The following VKORC1L1 variants were observed in gnomAD, a reference collection of about 807,000 sequenced individuals.
VKORC1L1 encodes vitamin K epoxide reductase complex subunit 1-like protein 1.
In VKORC1L1, 2 loss-of-function variants were observed where a neutral mutation model predicts 18.9. The ratio of observed to expected loss-of-function variants is 0.11; its 90% confidence interval spans 0.04 to 0.33. VKORC1L1 has a LOEUF of 0.33. VKORC1L1 is among the 10% of genes least tolerant of loss of function. The pLI, the probability that VKORC1L1 is intolerant of heterozygous loss-of-function variation, is 1.00. For missense variants in VKORC1L1, 123 were observed against 224.1 expected, an observed-to-expected ratio of 0.55 and a Z score of 2.88; for synonymous variants, 96 against 100.0, an observed-to-expected ratio of 0.96 and a Z score of 0.24.
intron 1 of VKORC1L1, among the ~76,000 whole-genome samples, chr7:65,930,393 G>C (rs963254724): frequency 3.3e-5 from 5 of 152,186 alleles, no homozygotes; most frequent in African/African-American, 1.2e-4. Context: ...AGCAAGGCTC[G>C]CTAGAAGTGA....
At chr7:65,929,682 G>A (rs7796571) in intron 1 of VKORC1L1, among the ~76,000 whole-genome samples, 53,620 of 126,632 alleles carry the variant, frequency 0.42, 12,400 homozygotes, top group East Asian at 0.57. Context: ...GTGTGTGTGT[G>A]TATATATATA....
chr7:65,882,417 A>C (rs1249176279), intron 1 of VKORC1L1, among the ~76,000 whole-genome samples: 1 of 36,024 alleles, frequency 2.8e-5, no homozygotes, highest in East Asian at 4.8e-3. Context: ...TAAAAAAGCA[A>C]AAAAAAAAAA....
At position 65,931,297 on chromosome 7, in the gene VKORC1L1, G is replaced by C. The variant is rs117625106; in HGVS notation, c.195-17374G>C. Reference sequence around the variant, plus strand: ...CCCTCCTCTTCTGTTTTCTGGAAGAGATTGTGTACAATTGGTATTACTTCG... The same window carrying C: ...CCCTCCTCTTCTGTTTTCTGGAAGACATTGTGTACAATTGGTATTACTTCG... On this transcript the variant is annotated intron_variant, in intron 1 of 2. Coordinates refer to ENST00000360768, the MANE Select transcript of VKORC1L1 (RefSeq NM_173517.6). 5.2e-3 allele frequency among the ~76,000 whole-genome samples: 784 copies of C among 152,192 alleles called. 2 individuals are homozygous for C. The highest frequency in any genetic ancestry group is 9.5e-3 in the Non-Finnish European group (649 of 67,994).
At chr7:65,875,434 C>T (rs756233248) in intron 1 of VKORC1L1, among the ~76,000 whole-genome samples, 5 of 150,394 alleles carry the variant, frequency 3.3e-5, no homozygotes, top group Non-Finnish European at 7.4e-5. Context: ...CTTTTTTTTT[C>T]TGAGACGGAG....
chr7:65,866,400 G>T, the VKORC1L1 span, among the ~76,000 whole-genome samples: 2 of 152,296 alleles, frequency 1.3e-5, no homozygotes, highest in East Asian at 1.9e-4. Context: ...GATGAATGTG[G>T]CATGCAGGGA....
chr7:65,935,492 T>C (rs1284412446), intron 1 of VKORC1L1, among the ~76,000 whole-genome samples: 3 of 152,106 alleles, frequency 2.0e-5, no homozygotes, highest in African/African-American at 7.2e-5. Context: ...GTATTTTTAG[T>C]AGAGACGGGT....
intron 1 of VKORC1L1, among the ~76,000 whole-genome samples, chr7:65,881,827 C>T (rs1474142790): frequency 6.6e-6 from 1 of 152,174 alleles, no homozygotes. Flanking sequence ...TGCCTGTAAT[C>T]CCAGCACTTT....
chr7:65,902,430 A>G (rs1234856888), intron 1 of VKORC1L1, among the ~76,000 whole-genome samples: 3 of 152,232 alleles, frequency 2.0e-5, no homozygotes, highest in Non-Finnish European at 4.4e-5. Flanking sequence ...GAAGACAGCA[A>G]TAGAAACTGT....
chr7:65,886,793 T>A (rs1374103825), intron 1 of VKORC1L1, among the ~76,000 whole-genome samples: 1 of 145,776 alleles, frequency 6.9e-6, no homozygotes, highest in African/African-American at 2.5e-5. Flanking sequence ...CACCTTGGCC[T>A]CCCAGAGTGC....
At chr7:65,877,908 A>G (rs565569359) in intron 1 of VKORC1L1, among the ~76,000 whole-genome samples, 2 of 152,238 alleles carry the variant, frequency 1.3e-5, no homozygotes, top group South Asian at 4.2e-4. Context: ...CAGAACCTGA[A>G]TGTGAAAATT....
intron 1 of VKORC1L1, among the ~76,000 whole-genome samples, chr7:65,884,303 G>A (rs753021758): frequency 1.6e-4 from 24 of 152,134 alleles, no homozygotes; most frequent in Non-Finnish European, 3.1e-4. Context: ...TGTTATTTTA[G>A]AACATGGTTT....
the VKORC1L1 span, among the ~76,000 whole-genome samples, chr7:65,867,094 G>A: frequency 6.6e-6 from 1 of 152,278 alleles, no homozygotes; most frequent in Middle Eastern, 3.4e-3. Context: ...GGTTGAGGCA[G>A]GAGAATCACT....
chr7:65,951,087 GT>G (rs1184536977), intron 2 of VKORC1L1, among the ~76,000 whole-genome samples: 11 of 152,060 alleles, frequency 7.2e-5, no homozygotes, highest in Non-Finnish European at 1.3e-4. Context: ...TATCACATGT[GT>G]TTTTTCATTC....
At chr7:65,899,315 C>A (rs368901350) in intron 1 of VKORC1L1, among the ~76,000 whole-genome samples, 1 of 152,358 alleles carries the variant, frequency 6.6e-6, no homozygotes, top group East Asian at 1.9e-4. Context: ...AAATCCACCT[C>A]TTTATCCCAG....
At chr7:65,902,288 G>T (rs1319302238) in intron 1 of VKORC1L1, among the ~76,000 whole-genome samples, 1 of 152,152 alleles carries the variant, frequency 6.6e-6, no homozygotes, top group Non-Finnish European at 1.5e-5. Flanking sequence ...AGAGGAAATG[G>T]TTAACATAAT....
chr7:65,891,740 T>C (rs567279383), intron 1 of VKORC1L1, among the ~76,000 whole-genome samples: 1 of 152,314 alleles, frequency 6.6e-6, no homozygotes, highest in Admixed American at 6.5e-5. Flanking sequence ...AAGCATAGAA[T>C]GCATGGTTAT....
chr7:65,921,664 T>C (rs1025894895), intron 1 of VKORC1L1, among the ~76,000 whole-genome samples: 4 of 152,088 alleles, frequency 2.6e-5, no homozygotes, highest in Admixed American at 6.5e-5. Flanking sequence ...CTGGCCAAAA[T>C]GGTGAAACCC....
At chr7:65,930,895 A>G (rs1159666841) in intron 1 of VKORC1L1, among the ~76,000 whole-genome samples, 1 of 152,072 alleles carries the variant, frequency 6.6e-6, no homozygotes, top group African/African-American at 2.4e-5. Flanking sequence ...ATCAAGGAAA[A>G]TTGCCTCTCT....
intron 1 of VKORC1L1, among the ~76,000 whole-genome samples, chr7:65,917,120 C>T (rs1789601738): frequency 6.6e-6 from 1 of 152,118 alleles, no homozygotes; most frequent in African/African-American, 2.4e-5. Flanking sequence ...CTCCCGTGCA[C>T]CAAGAGCCCC....
Sources: gnomAD v4.1 joint callset for allele counts (sites outside exome capture counted in the v4.1 genomes callset) on GRCh38, gnomAD v4.1.1 for gene constraint, MANE v1.5 for transcripts, NCBI Gene and HGNC (gene_info 2026-07-23, HGNC 2026-07-21) for gene names.